The following ZNF226 variants were observed in gnomAD, a reference collection of about 807,000 sequenced individuals.
The protein encoded by ZNF226 is Kruppel-associated box protein.
ZNF226 carries 6 observed loss-of-function variants against 11.4 expected under a neutral mutation model. The ratio of observed to expected loss-of-function variants is 0.53; its 90% CI spans 0.29 to 1.04. The LOEUF is 1.04. ZNF226 is among the 50% of genes least tolerant of loss of function. The pLI is 0.08. For synonymous variants in ZNF226, 350 were observed against 322.8 expected (o/e 1.08, Z -0.90); for missense variants, 1,058 against 956.5 (o/e 1.11, Z -1.40).
chr19:44,182,611 A>G (rs756453588), downstream of ZNF226, among the ~76,000 whole-genome samples: 2 of 152,296 alleles, frequency 1.3e-5, no homozygotes, highest in African/African-American at 2.4e-5. Flanking sequence ...CGAGAGGAGC[A>G]TTGGCAGTTT....
In ZNF226 at chr19:44,175,530, C is replaced by A; in HGVS notation, c.268C>A (p.Gln90Lys). 1 of 1,607,984 alleles carries A rather than the reference C, an allele frequency of 6.2e-7. No individual in the cohort carries two copies. The highest frequency in any genetic ancestry group is 1.1e-5 in the South Asian group (1 of 89,774). Residue 90 changes from glutamine (Q) to lysine (K), a missense_variant, in exon 6 of 6, where the codon CAA (glutamine) becomes AAA (lysine). By Grantham distance (53) the Gln-to-Lys change is moderately conservative. Coordinates refer to ENST00000337433, the MANE Select transcript of ZNF226 (RefSeq NM_001032373.2). ...AAATCAAAGTAAGTTAATTACTGTT[C>A]AAGACAGAGAATCAGAAGAAGAGCT... ...EKNQSKLITV[Q>K]DRESEEELSC...
downstream of ZNF226, among the ~76,000 whole-genome samples, chr19:44,181,719 G>A (rs186749509): frequency 1.3e-5 from 2 of 152,258 alleles, no homozygotes; most frequent in East Asian, 1.9e-4. Context: ...ATCTCTTGCC[G>A]TTAGAAGGAG....
intron 3 of ZNF226, among the ~76,000 whole-genome samples, chr19:44,171,330 AT>A (rs1970063963): frequency 6.6e-6 from 1 of 152,204 alleles, no homozygotes; most frequent in South Asian, 2.1e-4. Flanking sequence ...CCCAGAAAAA[AT>A]ATTAGACTTT....
In ZNF226 at chr19:44,176,656, A is replaced by T. The variant is rs1291449257; in HGVS notation, c.1394A>T (p.His465Leu). The T allele has an allele frequency of 6.2e-7, 1 of 1,614,206 alleles. No homozygotes were observed. Among genetic ancestry groups the T allele is most frequent in the South Asian group, 1.1e-5 (1 of 91,086 alleles). Reference protein sequence around the residue: ...GFSRPSSLQAHQGVHTGEKSY... With the variant: ...GFSRPSSLQALQGVHTGEKSY... ...AGTCGGCCTTCAAGTCTTCAGGCCCATCAGGGAGTTCACACTGGAGAGAAG... is the reference window on the plus strand; with the variant it reads ...AGTCGGCCTTCAAGTCTTCAGGCCCTTCAGGGAGTTCACACTGGAGAGAAG... Residue 465 changes from histidine (H) to leucine (L), a missense_variant, in exon 6 of 6, where the codon CAT becomes CTT. Transcript: ENST00000337433.
At chr19:44,187,309 T>G in the ZNF226 span, among the ~76,000 whole-genome samples, 8 of 152,048 alleles carry the variant, frequency 5.3e-5, no homozygotes, top group African/African-American at 1.9e-4. This position sits in a 1 kb window ranked among gnomAD's most constrained non-coding sequence, Gnocchi z 4.0. Flanking sequence ...TATACACCTG[T>G]TCAGTTGTTT....
Position 44,177,322 on chromosome 19 carries a change from A to T in ZNF226, c.2060A>T (p.Asp687Val). Residue 687 changes from aspartate to valine, a missense_variant, in exon 6 of 6, where the codon GAC becomes GTC. Transcript: ENST00000337433. Reference sequence around the variant, plus strand: ...GGCTTCAAGTGGAGCTTGAACCTTGACATGCATCAGAGGGTGCACACAGGA... The same window carrying T: ...GGCTTCAAGTGGAGCTTGAACCTTGTCATGCATCAGAGGGTGCACACAGGA... The part of the protein sequence containing the change: ...GKGFKWSLNL[D>V]MHQRVHTGEK... The T allele has an allele frequency of 1.9e-6, 3 of 1,614,204 alleles. No individual in the cohort carries two copies. The highest frequency in any genetic ancestry group is 2.5e-6 in the Non-Finnish European group (3 of 1,180,026).
chr19:44,177,726 A>G, downstream of ZNF226: 1 of 1,514,232 alleles, frequency 6.6e-7, no homozygotes, highest in Non-Finnish European at 8.8e-7. Flanking sequence ...CAAGTCTCAA[A>G]GTCAGTGTTT....
chr19:44,175,154 G>A, intron 5 of ZNF226: 1 of 1,502,518 alleles, frequency 6.7e-7, no homozygotes, highest in Non-Finnish European at 8.8e-7. Context: ...AGTAACTTCT[G>A]GGCTGTGGTT....
chr19:44,172,904 G>A lies in ZNF226; in HGVS notation c.187G>A (p.Glu63Lys). Reference protein sequence around the residue: ...KQDVSPIERNEQLWIMTTATR... With the variant: ...KQDVSPIERNKQLWIMTTATR... ...AGATGTATCACCTATAGAAAGAAAT[G>A]AGCAGCTTTGGATAATGACGACAGC... Residue 63 changes from glutamate (E) to lysine (K), a missense_variant, in exon 5 of 6, where the codon GAG becomes AAG. Glu to Lys is a moderately conservative substitution (Grantham distance 56). Coordinates refer to ENST00000337433, the MANE Select transcript of ZNF226 (RefSeq NM_001032373.2). 6.2e-7 allele frequency: 1 copy of A among 1,606,330 alleles called. No individual in the cohort carries two copies. The highest frequency in any genetic ancestry group is 8.5e-7 in the Non-Finnish European group (1 of 1,176,350).
At chr19:44,186,663 T>C in the ZNF226 span, among the ~76,000 whole-genome samples, 1 of 152,024 alleles carries the variant, frequency 6.6e-6, no homozygotes, top group Non-Finnish European at 1.5e-5. Flanking sequence ...TTCTTTCCAA[T>C]TTGGATGTCT....
Position 44,176,211 on chromosome 19 carries a change from A to G in ZNF226, c.949A>G (p.Ser317Gly), listed in dbSNP as rs1970664419. 6.2e-7 allele frequency: 1 copy of G among 1,614,190 alleles called. No homozygotes were observed. Among genetic ancestry groups the G allele is most frequent in the Non-Finnish European group, 8.5e-7 (1 of 1,179,994 alleles). The change falls in exon 6 of 6, where the codon AGT becomes GGT. Residue 317 changes from serine to glycine, a missense_variant. Ser to Gly is a moderately conservative substitution (Grantham distance 56). Transcript: ENST00000337433. ...GTGTGATGAGTGTGGTAAGGAATTC[A>G]GTCAGGGCGCTCATCTACAGACCCA... ...LKCDECGKEF[S>G]QGAHLQTHQK...
the ZNF226 span, among the ~76,000 whole-genome samples, chr19:44,185,270 A>G: frequency 6.6e-6 from 1 of 152,200 alleles, no homozygotes; most frequent in Non-Finnish European, 1.5e-5. Flanking sequence ...TATACCCGGA[A>G]GTGGGATTGC....
rs569382317 is a variant in ZNF226, at chr19:44,171,778, A to G, written c.16-310A>G. Among the ~76,000 whole-genome samples, 3 of 152,322 alleles carry G rather than the reference A, an allele frequency of 2.0e-5. No individual in the cohort carries two copies. The East Asian group carries it at 5.8e-4, about 29-fold the overall frequency. ...CCACCTCAGTAGGAAGGCAGGTGCTATCAAACACTATTGGGACTCAATTGG... is the reference window on the plus strand; with the variant it reads ...CCACCTCAGTAGGAAGGCAGGTGCTGTCAAACACTATTGGGACTCAATTGG... On this transcript the variant is annotated intron_variant, in intron 3 of 5. Coordinates refer to ENST00000337433, the MANE Select transcript of ZNF226 (RefSeq NM_001032373.2).
chr19:44,172,357 T>C (rs1970198721), intron 4 of ZNF226, 143 bp downstream of exon 4: 2 of 1,106,266 alleles, frequency 1.8e-6, no homozygotes, highest in South Asian at 3.1e-5. Context: ...CTGGTCTTTC[T>C]GAACAGAATA....
intron 2 of ZNF226, chr19:44,167,787 T>C (rs1419211975): frequency 1.3e-5 from 2 of 152,204 alleles, no homozygotes; most frequent in East Asian, 1.9e-4. Flanking sequence ...ACCAGGAACA[T>C]ACCTGTAACC....
the ZNF226 span, among the ~76,000 whole-genome samples, chr19:44,198,818 T>C: frequency 2.6e-5 from 4 of 152,208 alleles, no homozygotes; most frequent in Admixed American, 6.5e-5. Flanking sequence ...TTCTTTCTTT[T>C]TTTTGAAATT....
downstream of ZNF226, among the ~76,000 whole-genome samples, chr19:44,179,302 C>G (rs968092217): frequency 4.6e-5 from 7 of 152,116 alleles, no homozygotes; most frequent in African/African-American, 1.7e-4. Flanking sequence ...TCACATTTAA[C>G]TTCTATATTT....
intron 2 of ZNF226, 128 bp from the exon 3 acceptor site, chr19:44,169,907 C>T (rs528675843): frequency 3.5e-4 from 183 of 519,400 alleles, no homozygotes; most frequent in African/African-American, 3.3e-3. Context: ...ATGTCATAAT[C>T]TGCTTAAAAG....
At chr19:44,184,180 G>A in the ZNF226 span, among the ~76,000 whole-genome samples, 1 of 152,154 alleles carries the variant, frequency 6.6e-6, no homozygotes, top group Non-Finnish European at 1.5e-5. Flanking sequence ...CTACTCTGTA[G>A]ATACAATGCT....
Sources: gnomAD v4.1 joint callset for allele counts (sites outside exome capture counted in the v4.1 genomes callset) on GRCh38, gnomAD v4.1.1 for gene constraint, Gnocchi (gnomAD v3.1) non-coding constraint, MANE v1.5 for transcripts, NCBI Gene and HGNC (gene_info 2026-07-23, HGNC 2026-07-21) for gene names.